Variants in MYC observed in about 807,000 individuals in gnomAD.
MYC encodes the protein myc proto-oncogene protein.
MYC carries 1 observed loss-of-function variant against 30.5 expected under a neutral mutation model. That is an observed-to-expected ratio of 0.03 (90% CI 0.01 to 0.16). MYC has a LOEUF of 0.16. MYC is among the 10% of genes least tolerant of loss of function. The probability of loss-of-function intolerance (pLI) is 1.00; values close to 1 mark genes in which losing one functional copy is unlikely to be tolerated. For synonymous variants in MYC, 267 were observed against 250.7 expected (o/e 1.07, Z -0.62); for missense variants, 508 against 589.0 (o/e 0.86, Z 1.42).
Position 127,736,540 on chromosome 8 carries a change from C to T in MYC, c.-54C>T. On this transcript the variant is annotated 5_prime_UTR_variant, in exon 1 of 3. Transcript: ENST00000621592. ...TTCTGCCCATTTGGGGACACTTCCC[C>T]GCCGCTGCCAGGACCCGCTTCTCTG... is the stretch of plus-strand genomic sequence containing the variant. 3 of 1,607,788 alleles carry T rather than the reference C, an allele frequency of 1.9e-6. No homozygotes were observed. The highest frequency in any genetic ancestry group is 2.2e-5 in the East Asian group (1 of 44,860).
At position 127,742,045 on chromosome 8, in the gene MYC, G is replaced by A. The variant is rs1298233794; in HGVS notation, c.*1087G>A. Among the ~76,000 whole-genome samples the A allele has an allele frequency of 6.6e-6, 1 of 152,222 alleles. No individual in the cohort carries two copies. Among genetic ancestry groups the A allele is most frequent in the African/African-American group, 2.4e-5 (1 of 41,468 alleles). The stretch of plus-strand genomic sequence containing the variant: ...CAAAGCAGCAATCTGGACCCATTCT[G>A]TTCAAAACACTTAACCCTTCGCTAT... On this transcript the variant is annotated 3_prime_UTR_variant, in exon 3 of 3. Transcript: ENST00000621592.
chr8:127,738,967 C>A lies in MYC; in HGVS notation c.750C>A (p.Pro250=), dbSNP rs761049734. The change falls in exon 2 of 3, where the codon CCC becomes CCA. Residue 250 remains proline (P), a synonymous_variant. Transcript: ENST00000621592. This position sits in a 1 kb window ranked among gnomAD's most constrained non-coding sequence, Gnocchi z 7.6. Reference sequence around the variant, plus strand: ...CGGAGTCCTCCCCGCAGGGCAGCCCCGAGCCCCTGGTGCTCCATGAGGAGA... The same window carrying A: ...CGGAGTCCTCCCCGCAGGGCAGCCCAGAGCCCCTGGTGCTCCATGAGGAGA... 7.6e-6 allele frequency: 12 copies of A among 1,569,490 alleles called. No individual in the cohort carries two copies. Among genetic ancestry groups the A allele is most frequent in the Non-Finnish European group, 1.0e-5 (12 of 1,165,694 alleles).
At chr8:127,739,578 G>A (rs1451570088) in intron 2 of MYC, among the ~76,000 whole-genome samples, 2 of 150,682 alleles carry the variant, frequency 1.3e-5, no homozygotes, top group Admixed American at 1.3e-4. Flanking sequence ...ACACTGAAAA[G>A]CAAATCCTTG....
chr8:127,740,779 A>G lies in MYC; in HGVS notation c.1186A>G (p.Ile396Val). 1 of 1,614,062 alleles carries G rather than the reference A, an allele frequency of 6.2e-7. No individual in the cohort carries two copies. The highest frequency in any genetic ancestry group is 1.3e-5 in the African/African-American group (1 of 75,006). ...GAGCTTTTTTGCCCTGCGTGACCAGATCCCGGAGTTGGAAAACAATGAAAA... is the reference window on the plus strand; with the variant it reads ...GAGCTTTTTTGCCCTGCGTGACCAGGTCCCGGAGTTGGAAAACAATGAAAA... The change falls in exon 3 of 3, where the codon ATC (isoleucine) becomes GTC (valine). Residue 396 changes from isoleucine (I) to valine (V), a missense_variant. Ile to Val is a conservative substitution (Grantham distance 29, BLOSUM62 3). This residue lies in a region of MYC where 40 missense variants were observed against 78.4 expected (regional missense o/e 0.51). Coordinates refer to ENST00000621592, the MANE Select transcript of MYC (RefSeq NM_002467.6).
chr8:127,737,699 G>A (rs1022182321), intron 1 of MYC, among the ~76,000 whole-genome samples: 1 of 151,924 alleles, frequency 6.6e-6, no homozygotes, highest in Admixed American at 6.6e-5. Context: ...GGGGACGGGG[G>A]CGGTGGAGAG....
chr8:127,736,145 G>A (rs1212393164), upstream of MYC: 2 of 451,502 alleles, frequency 4.4e-6, no homozygotes, highest in East Asian at 6.4e-5. Flanking sequence ...CCTCGAGAAG[G>A]GCAGGGCTTC....
chr8:127,739,056 G>A (rs967170089), intron 2 of MYC, 37 bp downstream of exon 2: 4 of 1,449,310 alleles, frequency 2.8e-6, no homozygotes, highest in South Asian at 2.9e-5. Flanking sequence ...AAAAGTGGGC[G>A]GCTGGATACC....
Position 127,736,338 on chromosome 8 carries a change from G to C in MYC, c.-256G>C, listed in dbSNP as rs551911756. Reference sequence around the variant, plus strand: ...GCGCTGCGGGCGTCCTGGGAAGGGAGATCCGGAGCGAATAGGGGGCTTCGC... The same window carrying C: ...GCGCTGCGGGCGTCCTGGGAAGGGACATCCGGAGCGAATAGGGGGCTTCGC... On this transcript the variant is annotated 5_prime_UTR_variant, in exon 1 of 3. Coordinates refer to ENST00000621592, the MANE Select transcript of MYC (RefSeq NM_002467.6). 5.1e-6 allele frequency: 3 copies of C among 593,584 alleles called. No homozygotes were observed. The East Asian group carries it at 8.4e-5, about 17-fold the overall frequency. The allele number at this position is 593,584 out of a possible 1,614,324, so 36.8% of individuals were successfully genotyped here.
chr8:127,738,178 C>T lies in MYC; in HGVS notation c.31-70C>T. The T allele has an allele frequency of 6.7e-7, 1 of 1,496,412 alleles. No homozygotes were observed. The highest frequency in any genetic ancestry group is 8.9e-7 in the Non-Finnish European group (1 of 1,118,996). 92.7% of individuals were successfully genotyped at this position (1,496,412 alleles called of 1,614,324 possible). A position where few individuals can be genotyped will look rare whatever the true frequency, so the allele number is the denominator to read the frequency against. ...TCGGGACTGTGGCGCGCACTGCGCG[C>T]TGCGCCAGGTTTCCGCACCAAGACC... On this transcript the variant is annotated intron_variant, in intron 1 of 2. Transcript: ENST00000621592. This position sits in a 1 kb window ranked among gnomAD's most constrained non-coding sequence, Gnocchi z 7.6.
Position 127,740,869 on chromosome 8 carries a change from C to G in MYC, c.1276C>G (p.Gln426Glu). 6.2e-7 allele frequency: 1 copy of G among 1,612,894 alleles called. No individual in the cohort carries two copies. The stretch of plus-strand genomic sequence containing the variant: ...CATCCTGTCCGTCCAAGCAGAGGAG[C>G]AAAAGCTCATTTCTGAAGAGGACTT... The change falls in exon 3 of 3, where the codon CAA becomes GAA. Residue 426 changes from glutamine to glutamate, a missense_variant. By Grantham distance (29) the Gln-to-Glu change is conservative. Coordinates refer to ENST00000621592, the MANE Select transcript of MYC (RefSeq NM_002467.6).
Position 127,738,185 on chromosome 8 carries a change from A to G in MYC, c.31-63A>G, listed in dbSNP as rs1813638454. 22 of 1,509,634 alleles carry G rather than the reference A, an allele frequency of 1.5e-5. 1 individual carries two copies. The South Asian group carries it at 2.6e-4, about 18-fold the overall frequency. The allele number at this position is 1,509,634 out of a possible 1,614,324, so 93.5% of individuals were successfully genotyped here. A position where few individuals can be genotyped will look rare whatever the true frequency, so the allele number is the denominator to read the frequency against. On this transcript the variant is annotated intron_variant, in intron 1 of 2. Coordinates refer to ENST00000621592, the MANE Select transcript of MYC (RefSeq NM_002467.6). This position sits in a 1 kb window ranked among gnomAD's most constrained non-coding sequence, Gnocchi z 7.6. ...TGTGGCGCGCACTGCGCGCTGCGCC[A>G]GGTTTCCGCACCAAGACCCCTTTAA...
At chr8:127,737,333 T>A (rs373434212) in intron 1 of MYC, among the ~76,000 whole-genome samples, 1 of 152,212 alleles carries the variant, frequency 6.6e-6, no homozygotes, top group South Asian at 2.1e-4. Context: ...CTGGAATCGT[T>A]GACTTGGAAA....
Position 127,738,907 on chromosome 8 carries a change from C to T in MYC, c.690C>T (p.Ala230=), listed in dbSNP as rs1813657997. The T allele has an allele frequency of 1.9e-6, 3 of 1,610,836 alleles. No individual in the cohort carries two copies. The highest frequency in any genetic ancestry group is 2.5e-6 in the Non-Finnish European group (3 of 1,179,996). Reference sequence around the variant, plus strand: ...CCTGCGCCTCGCAAGACTCCAGCGCCTTCTCTCCGTCCTCGGATTCTCTGC... The same window carrying T: ...CCTGCGCCTCGCAAGACTCCAGCGCTTTCTCTCCGTCCTCGGATTCTCTGC... Residue 230 remains alanine (A), a synonymous_variant, in exon 2 of 3, where the codon GCC becomes GCT. Coordinates refer to ENST00000621592, the MANE Select transcript of MYC (RefSeq NM_002467.6). This position sits in a 1 kb window ranked among gnomAD's most constrained non-coding sequence, Gnocchi z 7.6.
At chr8:127,739,944 A>C (rs1206528125) in intron 2 of MYC, among the ~76,000 whole-genome samples, 1 of 150,982 alleles carries the variant, frequency 6.6e-6, no homozygotes, top group Non-Finnish European at 1.5e-5. Context: ...GAGAGGAGTA[A>C]GGGTGGCTGG....
In MYC at chr8:127,741,486, G is replaced by A. The variant is rs1813711732; in HGVS notation, c.*528G>A. The stretch of plus-strand genomic sequence containing the variant: ...CCCCCTCCCAACCACCACCATCCCT[G>A]TTTGTTTTCATCAATTGCCCCTTCA... On this transcript the variant is annotated 3_prime_UTR_variant, in exon 3 of 3. Coordinates refer to ENST00000621592, the MANE Select transcript of MYC (RefSeq NM_002467.6). 2.0e-5 allele frequency: 4 copies of A among 200,144 alleles called. No homozygotes were observed. In the Admixed American group the frequency reaches 2.4e-4, roughly 12 times the overall value. 12.4% of individuals were successfully genotyped at this position (200,144 alleles called of 1,614,324 possible).
In MYC at chr8:127,738,175, G is replaced by T; in HGVS notation, c.31-73G>T. 1 of 1,491,898 alleles carries T rather than the reference G, an allele frequency of 6.7e-7. No homozygotes were observed. Among genetic ancestry groups the T allele is most frequent in the Non-Finnish European group, 9.0e-7 (1 of 1,115,792 alleles). 92.4% of individuals were successfully genotyped at this position (1,491,898 alleles called of 1,614,324 possible). ...GGTTCGGGACTGTGGCGCGCACTGC[G>T]CGCTGCGCCAGGTTTCCGCACCAAG... is the stretch of plus-strand genomic sequence containing the variant. On this transcript the variant is annotated intron_variant, in intron 1 of 2. Coordinates refer to ENST00000621592, the MANE Select transcript of MYC (RefSeq NM_002467.6). This position sits in a 1 kb window ranked among gnomAD's most constrained non-coding sequence, Gnocchi z 7.6.
In MYC at chr8:127,738,889, C is replaced by T. The variant is rs2130097311; in HGVS notation, c.672C>T (p.Ala224=). 6.2e-7 allele frequency: 1 copy of T among 1,612,048 alleles called. No homozygotes were observed. The highest frequency in any genetic ancestry group is 8.5e-7 in the Non-Finnish European group (1 of 1,180,018). The stretch of plus-strand genomic sequence containing the variant: ...ACAGCAGCTCGCCCAAGTCCTGCGC[C>T]TCGCAAGACTCCAGCGCCTTCTCTC... Residue 224 remains alanine (A), a synonymous_variant, in exon 2 of 3, where the codon GCC becomes GCT. Coordinates refer to ENST00000621592, the MANE Select transcript of MYC (RefSeq NM_002467.6). This position sits in a 1 kb window ranked among gnomAD's most constrained non-coding sequence, Gnocchi z 7.6.
In MYC at chr8:127,736,484, A is replaced by G; in HGVS notation, c.-110A>G. 8.0e-7 allele frequency: 1 copy of G among 1,252,394 alleles called. No homozygotes were observed. The highest frequency in any genetic ancestry group is 1.3e-5 in the South Asian group (1 of 78,682). 77.6% of individuals were successfully genotyped at this position (1,252,394 alleles called of 1,614,324 possible). A position where few individuals can be genotyped will look rare whatever the true frequency, so the allele number is the denominator to read the frequency against. ...CACTGGAACTTACAACACCCGAGCA[A>G]GGACGCGACTCTCCCGACGCGGGGA... On this transcript the variant is annotated 5_prime_UTR_variant, in exon 1 of 3. Transcript: ENST00000621592.
Position 127,738,377 on chromosome 8 carries a change from G to C in MYC, c.160G>C (p.Glu54Gln), listed in dbSNP as rs770534113. The stretch of plus-strand genomic sequence containing the variant: ...CTTCTACCAGCAGCAGCAGCAGAGC[G>C]AGCTGCAGCCCCCGGCGCCCAGCGA... Residue 54 changes from glutamate (E) to glutamine (Q), a missense_variant, in exon 2 of 3, where the codon GAG becomes CAG. By Grantham distance (29) the Glu-to-Gln change is conservative. Coordinates refer to ENST00000621592, the MANE Select transcript of MYC (RefSeq NM_002467.6). The surrounding 1 kb of genome is among the most constrained non-coding windows in gnomAD (Gnocchi z 7.6). 4 of 1,613,998 alleles carry C rather than the reference G, an allele frequency of 2.5e-6. No individual in the cohort carries two copies. The highest frequency in any genetic ancestry group is 1.7e-5 in the Admixed American group (1 of 60,022).
Sources: allele counts gnomAD v4.1 joint callset (sites outside exome capture counted in the v4.1 genomes callset), GRCh38; gene constraint gnomAD v4.1.1; regional missense constraint gnomAD v4.1.1; non-coding constraint Gnocchi (gnomAD v3.1); transcripts MANE v1.5; gene names NCBI Gene and HGNC (gene_info 2026-07-23, HGNC 2026-07-21).